The following UNC5C variants were observed in gnomAD, a reference collection of about 807,000 sequenced individuals.
UNC5C encodes the protein unc-5 netrin receptor C.
A neutral mutation model predicts 99.8 loss-of-function variants in UNC5C; 47 were observed. The ratio of observed to expected loss-of-function variants is 0.47; its 90% CI spans 0.37 to 0.60. The LOEUF is 0.60. UNC5C is among the 20% of genes least tolerant of loss of function. The pLI is 0.00. For synonymous variants in UNC5C, 487 were observed against 452.2 expected (o/e 1.08, Z -0.98); for missense variants, 1,062 against 1,165.9 (o/e 0.91, Z 1.30).
chr4:95,388,539 T>C (rs1274917916), intron 1 of UNC5C, among the ~76,000 whole-genome samples: 2 of 152,192 alleles, frequency 1.3e-5, no homozygotes, highest in Non-Finnish European at 2.9e-5. Flanking sequence ...GCTCCTTGAA[T>C]TAACTTCACA....
rs189531285 is a variant in UNC5C, at chr4:95,347,374, T to A, written c.125-11743A>T. ...ATTCAATGCAATCCTTATCAAAATA[T>A]CAATGACATTCTTCACAGAAATAGA... On this transcript the variant is annotated intron_variant, in intron 1 of 15. Coordinates refer to ENST00000453304, the MANE Select transcript of UNC5C (RefSeq NM_003728.4). Among the ~76,000 whole-genome samples, 210 of 151,832 alleles carry A rather than the reference T, an allele frequency of 1.4e-3. 2 individuals carry two copies. Among genetic ancestry groups the A allele is most frequent in the Non-Finnish European group, 2.3e-3 (155 of 67,830 alleles).
At chr4:95,417,448 T>A (rs1746199881) in intron 1 of UNC5C, among the ~76,000 whole-genome samples, 1 of 152,150 alleles carries the variant, frequency 6.6e-6, no homozygotes, top group South Asian at 2.1e-4. Context: ...TCACATTTAG[T>A]GAGTAGGAAA....
chr4:95,373,701 G>A (rs1003048910), intron 1 of UNC5C, among the ~76,000 whole-genome samples: 8 of 152,124 alleles, frequency 5.3e-5, no homozygotes, highest in African/African-American at 1.9e-4. Flanking sequence ...AATGAGCCCT[G>A]AGTTTATGGG....
intron 1 of UNC5C, among the ~76,000 whole-genome samples, chr4:95,458,609 C>T (rs1236997551): frequency 6.6e-6 from 1 of 151,980 alleles, no homozygotes; most frequent in Non-Finnish European, 1.5e-5. Flanking sequence ...CTTCTAAGGT[C>T]TTTCAAGATT....
At chr4:95,459,833 C>A (rs929998231) in intron 1 of UNC5C, among the ~76,000 whole-genome samples, 4 of 152,096 alleles carry the variant, frequency 2.6e-5, no homozygotes, top group African/African-American at 9.7e-5. Flanking sequence ...ATGATAATAT[C>A]ATTACCATAA....
chr4:95,380,207 A>AT (rs1298053782), intron 1 of UNC5C, among the ~76,000 whole-genome samples: 2 of 152,102 alleles, frequency 1.3e-5, no homozygotes, highest in Admixed American at 6.6e-5. Flanking sequence ...ATATTCCCAT[A>AT]TCTAGCTCCT....
At chr4:95,363,950 T>TG (rs1448816789) in intron 1 of UNC5C, among the ~76,000 whole-genome samples, 1 of 152,140 alleles carries the variant, frequency 6.6e-6, no homozygotes, top group Non-Finnish European at 1.5e-5. Context: ...TGAACTATAC[T>TG]GGGCAAAGTG....
At chr4:95,387,461 T>A (rs761648263) in intron 1 of UNC5C, among the ~76,000 whole-genome samples, 2 of 152,180 alleles carry the variant, frequency 1.3e-5, no homozygotes, top group Admixed American at 6.6e-5. Flanking sequence ...GAATGCAGTA[T>A]CTTTAAGAAT....
At chr4:95,228,571 T>C (rs538227205) in intron 7 of UNC5C, among the ~76,000 whole-genome samples, 62 of 152,258 alleles carry the variant, frequency 4.1e-4, no homozygotes, top group Non-Finnish European at 6.5e-4. Context: ...TGTCTAACAT[T>C]ATAAAGCTGG....
chr4:95,424,518 CTT>C (rs536039867), intron 1 of UNC5C, among the ~76,000 whole-genome samples: 52 of 67,962 alleles, frequency 7.7e-4, no homozygotes, highest in East Asian at 1.3e-3. Flanking sequence ...TTTTTCTTTT[CTT>C]TTTTTTTTTT....
At chr4:95,498,377 A>G (rs1721683649) in intron 1 of UNC5C, among the ~76,000 whole-genome samples, 1 of 152,060 alleles carries the variant, frequency 6.6e-6, no homozygotes, top group African/African-American at 2.4e-5. Flanking sequence ...TCAGTAAGCC[A>G]TAAGCAAAGG....
intron 10 of UNC5C, among the ~76,000 whole-genome samples, chr4:95,214,531 C>T (rs1048261198): frequency 2.6e-5 from 4 of 152,208 alleles, no homozygotes; most frequent in African/African-American, 7.2e-5. Context: ...TATCCTGGTT[C>T]GGCTGCCAAG....
intron 1 of UNC5C, among the ~76,000 whole-genome samples, chr4:95,478,115 C>T (rs1207022820): frequency 6.6e-6 from 1 of 151,960 alleles, no homozygotes; most frequent in South Asian, 2.1e-4. Flanking sequence ...CAAATTTGAA[C>T]AAGTCTTTAT....
chr4:95,318,631 C>CA (rs1408048363), intron 2 of UNC5C, among the ~76,000 whole-genome samples: 1 of 152,186 alleles, frequency 6.6e-6, no homozygotes, highest in African/African-American at 2.4e-5. Flanking sequence ...CAGAGGGCAT[C>CA]ATTGTCCAGG....
At chr4:95,249,635 C>G (rs1739621694) in intron 5 of UNC5C, among the ~76,000 whole-genome samples, 1 of 152,144 alleles carries the variant, frequency 6.6e-6, no homozygotes, top group South Asian at 2.1e-4. Context: ...AGTGCTAAAC[C>G]ACACAGGGAG....
In UNC5C at chr4:95,242,566, T is replaced by G; in HGVS notation, c.971A>C (p.Lys324Thr). 2 of 1,599,560 alleles carry G rather than the reference T, an allele frequency of 1.3e-6. No homozygotes were observed. The highest frequency in any genetic ancestry group is 1.7e-6 in the Non-Finnish European group (2 of 1,172,196). The change falls in exon 7 of 16, where the codon AAG becomes ACG. Residue 324 changes from lysine (K) to threonine (T), a missense_variant. Around this residue, in one of 3 missense-constraint regions of UNC5C, gnomAD observed 810 missense variants for 854.5 expected, o/e 0.95. Transcript: ENST00000453304. ...PVDGRWTPWS[K>T]WSTCGTECTH... ...GCACTCAGTTCCACAAGTAGACCAC[T>G]TGCTCCATGGCGTCCACCTGCCATC... is the stretch of plus-strand genomic sequence containing the variant.
chr4:95,405,290 T>C (rs1297477317), intron 1 of UNC5C, among the ~76,000 whole-genome samples: 1 of 152,170 alleles, frequency 6.6e-6, no homozygotes, highest in Non-Finnish European at 1.5e-5. Flanking sequence ...GGCCTCTACA[T>C]GTGCCCATCT....
At chr4:95,425,330 T>C (rs1746446674) in intron 1 of UNC5C, among the ~76,000 whole-genome samples, 1 of 152,252 alleles carries the variant, frequency 6.6e-6, no homozygotes, top group African/African-American at 2.4e-5. Flanking sequence ...TTTATGTCAT[T>C]TTATTTTTTG....
chr4:95,450,189 A>G (rs748427448), intron 1 of UNC5C, among the ~76,000 whole-genome samples: 1 of 152,148 alleles, frequency 6.6e-6, no homozygotes, highest in Non-Finnish European at 1.5e-5. Flanking sequence ...AATTAGCAGG[A>G]TGTAAATTGT....
Sources: gnomAD v4.1 joint callset for allele counts (sites outside exome capture counted in the v4.1 genomes callset) on GRCh38, gnomAD v4.1.1 for gene constraint, gnomAD v4.1.1 regional missense constraint, MANE v1.5 for transcripts, NCBI Gene and HGNC (gene_info 2026-07-23, HGNC 2026-07-21) for gene names.